MYLK4: variants seen among roughly 807,000 people sequenced by gnomAD.
MYLK4 encodes caMLCK like.
In MYLK4, 46 loss-of-function variants were observed where a neutral mutation model predicts 48.1. The observed-to-expected ratio is 0.96, with a 90% CI of 0.75 to 1.22. The LOEUF is 1.22. Ranked by LOEUF, MYLK4 falls within the 50% of genes most tolerant of loss-of-function variation. The pLI, the probability that MYLK4 is intolerant of heterozygous loss-of-function variation, is 0.00. For synonymous variants in MYLK4, 170 were observed against 180.8 expected (o/e 0.94, Z 0.48); for missense variants, 451 against 486.1 (o/e 0.93, Z 0.68).
At chr6:2,766,149 G>A in the MYLK4 span, 330 of 1,328,540 alleles carry the variant, frequency 2.5e-4, no homozygotes, top group Non-Finnish European at 3.1e-4. Flanking sequence ...GATGGCGACG[G>A]GGACGCGGAC....
intron 2 of MYLK4, among the ~76,000 whole-genome samples, chr6:2,715,584 G>A (rs1762839018): frequency 1.3e-5 from 2 of 152,120 alleles, no homozygotes; most frequent in Non-Finnish European, 2.9e-5. Context: ...CTGAGTACAG[G>A]GGACTTGTTG....
At position 2,664,251 on chromosome 6, in the gene MYLK4, T is replaced by C. The variant is rs1423634659; in HGVS notation, c.*3674A>G. The stretch of plus-strand genomic sequence containing the variant: ...AAGAAAAAGGAAAGAAGTAAAAAAA[T>C]GTAAAAGAGAGTGCAAAAGCAAAGG... On this transcript the variant is annotated 3_prime_UTR_variant, in exon 13 of 13. Coordinates refer to ENST00000274643, the MANE Select transcript of MYLK4 (RefSeq NM_001012418.5). The C allele has an allele frequency of 6.6e-6, 1 of 152,054 alleles. No individual in the cohort carries two copies. The highest frequency in any genetic ancestry group is 1.5e-5 in the Non-Finnish European group (1 of 68,020). 9.4% of individuals were successfully genotyped at this position (152,054 alleles called of 1,614,324 possible). A position where few individuals can be genotyped will look rare whatever the true frequency, so the allele number is the denominator to read the frequency against.
At chr6:2,680,315 A>G (rs1426028396) in intron 7 of MYLK4, 24 bp from the exon 8 acceptor site, 1 of 1,613,430 alleles carries the variant, frequency 6.2e-7, no homozygotes, top group Non-Finnish European at 8.5e-7. Flanking sequence ...GAGACACATT[A>G]GCAATGAAAA....
intron 2 of MYLK4, among the ~76,000 whole-genome samples, chr6:2,728,411 T>TAA (rs142014581): frequency 3.3e-5 from 5 of 150,904 alleles, no homozygotes; most frequent in African/African-American, 7.3e-5. Context: ...AGAGTTTTAT[T>TAA]AAAAAAAACA....
chr6:2,722,180 G>A lies in MYLK4; in HGVS notation c.159+26956C>T, dbSNP rs183406189. Among the ~76,000 whole-genome samples the A allele has an allele frequency of 1.8e-3, 277 of 152,280 alleles. 1 individual carries two copies. Among genetic ancestry groups the A allele is most frequent in the African/African-American group, 6.3e-3 (261 of 41,546 alleles). ...GCCCAGATTGGTTAGAAGTCTCTTG[G>A]AGAAATTTCTTCAAGAAGATAAAAT... On this transcript the variant is annotated intron_variant, in intron 2 of 12. Transcript: ENST00000274643.
rs1238048291 is a variant in MYLK4 at position 2,680,478 on chromosome 6, C to A, written c.688-187G>T. The stretch of plus-strand genomic sequence containing the variant: ...GGTGGATGAGGTTGCGGGTATCCTG[C>A]CAACCCTGCATTATCCAGCCTGTCC... On this transcript the variant is annotated intron_variant, in intron 7 of 12. Coordinates refer to ENST00000274643, the MANE Select transcript of MYLK4 (RefSeq NM_001012418.5). 4.1e-6 allele frequency: 4 copies of A among 985,258 alleles called. No individual in the cohort carries two copies. In the African/African-American group the frequency reaches 5.2e-5, roughly 13 times the overall value. 61.0% of individuals were successfully genotyped at this position (985,258 alleles called of 1,614,324 possible).
Position 2,707,500 on chromosome 6 carries a change from T to G in MYLK4, c.160-14641A>C, listed in dbSNP as rs1041042614. On this transcript the variant is annotated intron_variant, in intron 2 of 12. Transcript: ENST00000274643. ...CATGAAAAGTTCGCATGCTATTACT[T>G]TGCTGTTGTTCATTTTCTATTCACC... Among the ~76,000 whole-genome samples the G allele has an allele frequency of 2.0e-4, 31 of 152,222 alleles. 1 individual carries two copies. Among genetic ancestry groups the G allele is most frequent in the African/African-American group, 7.0e-4 (29 of 41,458 alleles).
chr6:2,677,477 T>G (rs1423403606), intron 10 of MYLK4, among the ~76,000 whole-genome samples: 1 of 152,200 alleles, frequency 6.6e-6, no homozygotes, highest in African/African-American at 2.4e-5. Context: ...ATTATACGGC[T>G]CAGGTATAAA....
intron 2 of MYLK4, among the ~76,000 whole-genome samples, chr6:2,695,605 A>G (rs187363455): frequency 6.6e-6 from 1 of 152,298 alleles, no homozygotes. Flanking sequence ...GAAGGCCTTT[A>G]TTCATTGCCA....
chr6:2,716,807 G>GT (rs1205140473), intron 2 of MYLK4, among the ~76,000 whole-genome samples: 1 of 152,190 alleles, frequency 6.6e-6, no homozygotes, highest in Non-Finnish European at 1.5e-5. Context: ...GTTCCTATCT[G>GT]ACAGAGTTTT....
At position 2,749,166 on chromosome 6, in the gene MYLK4, C is replaced by T. The variant is rs1035051983; in HGVS notation, c.129G>A (p.Gly43=). The change falls in exon 2 of 13, where the codon GGG becomes GGA. Residue 43 remains glycine, a synonymous_variant. Transcript: ENST00000274643. ...KVKCFLEKNS[G]DQDSRSGHNE... ...TATGTCCAGATCTTGAATCCTGGTCCCCAGAATTTTTTTCCAGAAAACACT... is the reference window on the plus strand; with the variant it reads ...TATGTCCAGATCTTGAATCCTGGTCTCCAGAATTTTTTTCCAGAAAACACT... The T allele has an allele frequency of 1.9e-6, 3 of 1,613,672 alleles. No homozygotes were observed. In the African/African-American group the frequency reaches 4.0e-5, roughly 22 times the overall value.
chr6:2,769,857 C>T, the MYLK4 span, among the ~76,000 whole-genome samples: 1 of 152,144 alleles, frequency 6.6e-6, no homozygotes, highest in South Asian at 2.1e-4. Context: ...TGAAACTAAG[C>T]TAGAATTCTA....
chr6:2,766,681 C>T, the MYLK4 span, among the ~76,000 whole-genome samples: 2 of 152,164 alleles, frequency 1.3e-5, no homozygotes, highest in Admixed American at 6.5e-5. Flanking sequence ...TGCAAAAGGA[C>T]GATGTCTGTG....
the MYLK4 span, among the ~76,000 whole-genome samples, chr6:2,766,827 C>T: frequency 7.4e-6 from 1 of 135,044 alleles, no homozygotes; most frequent in Admixed American, 8.4e-5. Flanking sequence ...TGTAAAGAAA[C>T]ATTTGTATAT....
chr6:2,703,138 A>G (rs1762355934), intron 2 of MYLK4, among the ~76,000 whole-genome samples: 1 of 152,136 alleles, frequency 6.6e-6, no homozygotes, highest in Non-Finnish European at 1.5e-5. Context: ...TATAGGGTCA[A>G]TATCTAGCAT....
intron 2 of MYLK4, among the ~76,000 whole-genome samples, chr6:2,737,223 G>C (rs1763711849): frequency 1.3e-5 from 2 of 152,258 alleles, no homozygotes; most frequent in Non-Finnish European, 2.9e-5. Context: ...AAAGGCAGGA[G>C]AATCGCTTGA....
chr6:2,667,599 A>G lies in MYLK4; in HGVS notation c.*326T>C, dbSNP rs567402259. 3 of 152,662 alleles carry G rather than the reference A, an allele frequency of 2.0e-5. No homozygotes were observed. The highest frequency in any genetic ancestry group is 3.9e-4 in the East Asian group (2 of 5,188). 9.5% of individuals were successfully genotyped at this position (152,662 alleles called of 1,614,324 possible). The stretch of plus-strand genomic sequence containing the variant: ...ATTTGAGAAATGGCAGACATAATGC[A>G]CCCCCTGCCCCAGTGACTAAGATCA... On this transcript the variant is annotated 3_prime_UTR_variant, in exon 13 of 13. Coordinates refer to ENST00000274643, the MANE Select transcript of MYLK4 (RefSeq NM_001012418.5).
intron 2 of MYLK4, chr6:2,743,780 G>A: frequency 2.5e-6 from 1 of 396,006 alleles, no homozygotes; most frequent in East Asian, 3.6e-5. Flanking sequence ...TAAGACCAGG[G>A]CCCTGGGCAA....
intron 2 of MYLK4, among the ~76,000 whole-genome samples, chr6:2,745,701 G>A (rs1002545671): frequency 2.0e-5 from 3 of 152,020 alleles, no homozygotes; most frequent in African/African-American, 7.2e-5. Flanking sequence ...AAGGTGGGAG[G>A]ATCACTTCAG....
Sources: allele counts gnomAD v4.1 joint callset (sites outside exome capture counted in the v4.1 genomes callset), GRCh38; gene constraint gnomAD v4.1.1; transcripts MANE v1.5; gene names NCBI Gene and HGNC (gene_info 2026-07-23, HGNC 2026-07-21).